Variants in DRC3 observed in about 807,000 individuals in gnomAD.
DRC3 encodes the protein dynein regulatory complex subunit 3.
DRC3 carries 45 observed loss-of-function variants against 57.6 expected under a neutral mutation model. That is an observed-to-expected ratio of 0.78 (90% CI 0.62 to 1.00). The LOEUF (loss-of-function observed/expected upper bound fraction) is 1.00. Among genes scored for constraint, DRC3 ranks in the 50% least tolerant of loss-of-function variants. The probability of loss-of-function intolerance (pLI) is 0.00; values close to 1 mark genes in which losing one functional copy is unlikely to be tolerated. For missense variants in DRC3, 655 were observed against 675.2 expected (o/e 0.97, Z 0.33); for synonymous variants, 257 against 272.3 (o/e 0.94, Z 0.55).
chr17:17,986,878 G>GC (rs941857064), intron 4 of DRC3, among the ~76,000 whole-genome samples: 2 of 152,200 alleles, frequency 1.3e-5, no homozygotes, highest in African/African-American at 4.8e-5. Flanking sequence ...CAAGATAACA[G>GC]CCCCACCTGC....
At chr17:17,993,095 T>G in intron 6 of DRC3, 184 bp downstream of exon 6, 4 of 639,178 alleles carry the variant, frequency 6.3e-6, no homozygotes, top group Non-Finnish European at 1.1e-5. Context: ...CCCTTGTAAG[T>G]ACTGTTTTGT....
intron 9 of DRC3, among the ~76,000 whole-genome samples, chr17:18,000,224 G>A (rs940473583): frequency 4.0e-5 from 5 of 126,194 alleles, no homozygotes; most frequent in African/African-American, 1.3e-4. Flanking sequence ...ATAGCATGCC[G>A]TTCTGTACTT....
At chr17:17,996,793 T>A (rs2043477217) in intron 8 of DRC3, among the ~76,000 whole-genome samples, 1 of 152,192 alleles carries the variant, frequency 6.6e-6, no homozygotes, top group East Asian at 1.9e-4. Flanking sequence ...GCAAGGCATT[T>A]CATCTCTCTG....
chr17:18,015,898 G>C, intron 12 of DRC3, 166 bp from the exon 13 acceptor site: 1 of 699,032 alleles, frequency 1.4e-6, no homozygotes. Context: ...TGTCACAGAT[G>C]AATTCACAGA....
chr17:18,006,355 T>C, intron 11 of DRC3, 102 bp downstream of exon 11: 1 of 821,722 alleles, frequency 1.2e-6, no homozygotes, highest in Non-Finnish European at 2.0e-6. Context: ...TCTGAGGAGG[T>C]TTCCCGACCC....
At chr17:17,999,993 A>T (rs568354467) in intron 9 of DRC3, among the ~76,000 whole-genome samples, 10 of 141,290 alleles carry the variant, frequency 7.1e-5, no homozygotes, top group Admixed American at 3.5e-4. Context: ...TGTGTGTGTG[A>T]GCATAGCATG....
chr17:18,004,764 A>C (rs895448028), intron 10 of DRC3: 4 of 432,274 alleles, frequency 9.3e-6, no homozygotes, highest in African/African-American at 8.0e-5. Context: ...GAGGTTTTTG[A>C]TTAGACCCCT....
chr17:17,976,395 G>T (rs2042388783), intron 2 of DRC3, among the ~76,000 whole-genome samples: 2 of 152,176 alleles, frequency 1.3e-5, no homozygotes, highest in Admixed American at 6.5e-5. Context: ...AGAATCTACT[G>T]GAGGCTGGGC....
intron 3 of DRC3, among the ~76,000 whole-genome samples, chr17:17,979,216 T>G (rs1028856311): frequency 6.6e-6 from 1 of 152,150 alleles, no homozygotes; most frequent in Non-Finnish European, 1.5e-5. Context: ...CCTTATCATC[T>G]CTGCTGAGGA....
intron 12 of DRC3, among the ~76,000 whole-genome samples, chr17:18,014,441 G>C (rs2044283857): frequency 6.6e-6 from 1 of 152,216 alleles, no homozygotes; most frequent in Non-Finnish European, 1.5e-5. Context: ...AATTGAAGTA[G>C]CCACCACTCT....
intron 3 of DRC3, among the ~76,000 whole-genome samples, chr17:17,982,889 T>C (rs1482701475): frequency 6.6e-6 from 1 of 152,244 alleles, no homozygotes; most frequent in African/African-American, 2.4e-5. Flanking sequence ...GAGCATATTC[T>C]AATTTTATAA....
chr17:17,979,217 C>A (rs954122323), intron 3 of DRC3, among the ~76,000 whole-genome samples: 2 of 152,212 alleles, frequency 1.3e-5, no homozygotes, highest in African/African-American at 4.8e-5. Context: ...CTTATCATCT[C>A]TGCTGAGGAA....
chr17:18,000,889 CTTCTT>C (rs1482454788), intron 9 of DRC3, among the ~76,000 whole-genome samples: 11 of 152,046 alleles, frequency 7.2e-5, no homozygotes, highest in African/African-American at 2.7e-4. Context: ...TTCTCTCTCT[CTTCTT>C]AAATTATTTA....
intron 11 of DRC3, 108 bp downstream of exon 11, chr17:18,006,361 G>A (rs759758169): frequency 1.0e-4 from 81 of 786,294 alleles, no homozygotes; most frequent in Non-Finnish European, 1.6e-4. Flanking sequence ...GAGGTTTCCC[G>A]ACCCTCAGAA....
chr17:17,980,571 A>G (rs137951338), intron 3 of DRC3, among the ~76,000 whole-genome samples: 2,533 of 144,418 alleles, frequency 0.018, 79 homozygotes, highest in African/African-American at 0.061. Flanking sequence ...CTAGGATTAT[A>G]GGTATGAGCC....
At chr17:18,013,678 G>T (rs548805215) in intron 12 of DRC3, among the ~76,000 whole-genome samples, 2 of 152,168 alleles carry the variant, frequency 1.3e-5, no homozygotes, top group Non-Finnish European at 1.5e-5. Context: ...TTTGTTAAAG[G>T]ATATACCAAA....
chr17:18,006,878 G>A (rs1250397173), intron 11 of DRC3, 146 bp from the exon 12 acceptor site: 24 of 1,311,036 alleles, frequency 1.8e-5, no homozygotes, highest in Non-Finnish European at 2.5e-5. Context: ...GAAGGCCCAG[G>A]GTTCGGAGCT....
chr17:17,986,466 C>CTT (rs35727404), intron 4 of DRC3, among the ~76,000 whole-genome samples: 18 of 133,260 alleles, frequency 1.4e-4, no homozygotes, highest in Non-Finnish European at 1.8e-4. Context: ...CCCAAATCAC[C>CTT]TTTTTTTTTT....
At chr17:17,982,863 T>A (rs1051884348) in intron 3 of DRC3, among the ~76,000 whole-genome samples, 1 of 152,222 alleles carries the variant, frequency 6.6e-6, no homozygotes, top group African/African-American at 2.4e-5. Context: ...CGTGAGCCAC[T>A]GCGCCCATCC....
Sources: gnomAD v4.1 joint callset for allele counts (sites outside exome capture counted in the v4.1 genomes callset) on GRCh38, gnomAD v4.1.1 for gene constraint, MANE v1.5 for transcripts, NCBI Gene and HGNC (gene_info 2026-07-23, HGNC 2026-07-21) for gene names.